ENPEP: variants seen among roughly 807,000 people sequenced by gnomAD.
ENPEP encodes AP-A.
ENPEP carries 103 observed loss-of-function variants against 114.5 expected under a neutral mutation model. That is an observed-to-expected ratio of 0.90 (90% CI 0.77 to 1.06). ENPEP has a LOEUF of 1.06. Among genes scored for constraint, ENPEP ranks in the 50% least tolerant of loss-of-function variants. The probability of loss-of-function intolerance (pLI) is 0.00; values close to 1 mark genes in which losing one functional copy is unlikely to be tolerated. For synonymous variants in ENPEP, 420 were observed against 422.0 expected (o/e 1.00, Z 0.06); for missense variants, 1,196 against 1,161.3 (o/e 1.03, Z -0.43).
intron 7 of ENPEP, among the ~76,000 whole-genome samples, chr4:110,514,621 C>G (rs533925798): frequency 1.3e-5 from 2 of 152,126 alleles, no homozygotes; most frequent in African/African-American, 4.8e-5. Flanking sequence ...ATAAATGTTT[C>G]TAGGCCTTTA....
intron 11 of ENPEP, among the ~76,000 whole-genome samples, chr4:110,533,688 T>A (rs1338875999): frequency 6.6e-6 from 1 of 152,192 alleles, no homozygotes; most frequent in Non-Finnish European, 1.5e-5. Flanking sequence ...GAAGCATGAC[T>A]GTGAAAGTGA....
chr4:110,515,233 T>C (rs1047436771), intron 7 of ENPEP, 144 bp from the exon 8 acceptor site: 2 of 659,148 alleles, frequency 3.0e-6, no homozygotes, highest in Non-Finnish European at 2.6e-6. Context: ...CCTAAAATCA[T>C]AGAGCCATAT....
At chr4:110,541,895 A>G (rs1223653699) in intron 11 of ENPEP, among the ~76,000 whole-genome samples, 1 of 152,136 alleles carries the variant, frequency 6.6e-6, no homozygotes, top group African/African-American at 2.4e-5. Context: ...ACGCTAACGA[A>G]CATGGTTATA....
At chr4:110,508,673 C>T (rs993295305) in intron 4 of ENPEP, among the ~76,000 whole-genome samples, 4 of 152,032 alleles carry the variant, frequency 2.6e-5, no homozygotes, top group Admixed American at 6.6e-5. Flanking sequence ...TAGCCAGGCG[C>T]GGTGGCGGGC....
chr4:110,508,797 C>T (rs1056019572), intron 4 of ENPEP, among the ~76,000 whole-genome samples: 1 of 151,946 alleles, frequency 6.6e-6, no homozygotes, highest in Non-Finnish European at 1.5e-5. Context: ...GGCAACAGAG[C>T]GAGACTCTGT....
chr4:110,548,377 A>G, intron 14 of ENPEP, 51 bp downstream of exon 14: 2 of 1,400,056 alleles, frequency 1.4e-6, no homozygotes, highest in Non-Finnish European at 1.9e-6. Context: ...AGCCATTAGT[A>G]GAATAGGATG....
chr4:110,555,658 G>A (rs1435704200), intron 18 of ENPEP, among the ~76,000 whole-genome samples: 2 of 151,962 alleles, frequency 1.3e-5, no homozygotes, highest in Non-Finnish European at 2.9e-5. Flanking sequence ...GTTTATGACA[G>A]TAGATGAAAA....
At chr4:110,493,724 A>G (rs1249361734) in intron 3 of ENPEP, among the ~76,000 whole-genome samples, 2 of 152,306 alleles carry the variant, frequency 1.3e-5, no homozygotes, top group African/African-American at 4.8e-5. Flanking sequence ...CACTTACTGT[A>G]AGTTGAAATC....
At chr4:110,517,959 T>C (rs143045752) in intron 8 of ENPEP, among the ~76,000 whole-genome samples, 20 of 152,364 alleles carry the variant, frequency 1.3e-4, no homozygotes, top group Non-Finnish European at 1.9e-4. Context: ...CACTCTATGA[T>C]TGTTGCCCTG....
chr4:110,496,257 G>A (rs530469985), intron 3 of ENPEP, among the ~76,000 whole-genome samples: 24 of 152,144 alleles, frequency 1.6e-4, no homozygotes, highest in African/African-American at 5.5e-4. Context: ...ACAGTTTTAG[G>A]TTTTGTGCCA....
chr4:110,512,260 C>A (rs1031007699), intron 6 of ENPEP, among the ~76,000 whole-genome samples: 2 of 152,096 alleles, frequency 1.3e-5, no homozygotes, highest in African/African-American at 4.8e-5. Context: ...AATCGGAAGG[C>A]CAGGAAAATG....
intron 10 of ENPEP, among the ~76,000 whole-genome samples, chr4:110,524,558 C>A (rs756420664): frequency 6.6e-6 from 1 of 152,040 alleles, no homozygotes; most frequent in African/African-American, 2.4e-5. Flanking sequence ...AAAATTTTTT[C>A]TATATATTTT....
At chr4:110,521,459 A>G (rs1388433511) in intron 10 of ENPEP, among the ~76,000 whole-genome samples, 2 of 151,926 alleles carry the variant, frequency 1.3e-5, no homozygotes, top group Non-Finnish European at 2.9e-5. Flanking sequence ...TCGATAATAG[A>G]GAGAGTACAC....
intron 19 of ENPEP, 44 bp from the exon 20 acceptor site, chr4:110,561,362 T>C (rs1257147651): frequency 1.9e-6 from 3 of 1,591,600 alleles, no homozygotes; most frequent in Non-Finnish European, 2.6e-6. Flanking sequence ...GAAGACTAAT[T>C]TGGCTATAAA....
chr4:110,476,486 G>A lies in ENPEP; in HGVS notation c.72G>A (p.Ala24=), dbSNP rs143034817. ...CGAAACATGTGGCCATTCTCTGTGC[G>A]GTGGTGGTGGGTGTAGGATTAATAG... ...IQTKHVAILC[A]VVVGVGLIVG... The change falls in exon 1 of 20, where the codon GCG becomes GCA. Residue 24 remains alanine, a synonymous_variant. Coordinates refer to ENST00000265162, the MANE Select transcript of ENPEP (RefSeq NM_001977.4). The A allele has an allele frequency of 1.6e-5, 25 of 1,576,788 alleles. No individual in the cohort carries two copies. Among genetic ancestry groups the A allele is most frequent in the Non-Finnish European group, 1.9e-5 (22 of 1,157,974 alleles).
At chr4:110,496,285 A>G (rs560557778) in intron 3 of ENPEP, among the ~76,000 whole-genome samples, 1 of 152,258 alleles carries the variant, frequency 6.6e-6, no homozygotes, top group African/African-American at 2.4e-5. Context: ...TGATTTATGT[A>G]TTTCTCTTCA....
At chr4:110,491,223 CT>C (rs1724698578) in intron 3 of ENPEP, 59 bp downstream of exon 3, 5 of 1,361,516 alleles carry the variant, frequency 3.7e-6, no homozygotes, top group Admixed American at 2.7e-5. Flanking sequence ...AATTATCTAC[CT>C]TTTTTGGGTA....
At chr4:110,482,217 T>C (rs192362355) in intron 1 of ENPEP, among the ~76,000 whole-genome samples, 47 of 152,266 alleles carry the variant, frequency 3.1e-4, no homozygotes, top group Middle Eastern at 6.8e-3. Flanking sequence ...GAAACGTGAT[T>C]TCAGGATAGA....
chr4:110,561,271 A>C, intron 19 of ENPEP, 135 bp from the exon 20 acceptor site: 3 of 873,200 alleles, frequency 3.4e-6, no homozygotes, highest in Non-Finnish European at 5.4e-6. Context: ...ATGATGCGCC[A>C]GAGGTGTAGC....
Sources: gnomAD v4.1 joint callset for allele counts (sites outside exome capture counted in the v4.1 genomes callset) on GRCh38, gnomAD v4.1.1 for gene constraint, MANE v1.5 for transcripts, NCBI Gene and HGNC (gene_info 2026-07-23, HGNC 2026-07-21) for gene names.